WDR59: variants seen among roughly 807,000 people sequenced by gnomAD.
WDR59 encodes the protein WD repeat domain 59, also known as GATOR2 complex protein WDR59.
In WDR59, 100 loss-of-function variants were observed where a neutral mutation model predicts 131.2. The ratio of observed to expected loss-of-function variants is 0.76; its 90% confidence interval spans 0.65 to 0.90. The LOEUF is 0.90. WDR59 is among the 40% of genes least tolerant of loss of function. WDR59 has a pLI of 0.00. For synonymous variants in WDR59, 601 were observed against 466.2 expected, an observed-to-expected ratio of 1.29 and a Z score of -3.72; for missense variants, 1,203 against 1,262.2, an observed-to-expected ratio of 0.95 and a Z score of 0.71.
At chr16:74,903,667 A>C (rs1255054746) in intron 18 of WDR59, among the ~76,000 whole-genome samples, 1 of 152,160 alleles carries the variant, frequency 6.6e-6, no homozygotes, top group Non-Finnish European at 1.5e-5. Context: ...ATGGGAATCA[A>C]CTCAGGGAGT....
intron 7 of WDR59, among the ~76,000 whole-genome samples, chr16:74,941,102 T>C (rs1043115474): frequency 2.6e-5 from 4 of 151,750 alleles, no homozygotes; most frequent in Non-Finnish European, 2.9e-5. Context: ...CCCAGCACTT[T>C]GGGAGGCTGA....
chr16:74,933,089 G>T (rs969885250), intron 8 of WDR59, among the ~76,000 whole-genome samples: 29 of 152,086 alleles, frequency 1.9e-4, no homozygotes, highest in African/African-American at 6.8e-4. Flanking sequence ...TACACAAAAG[G>T]AATAAAATTA....
intron 8 of WDR59, 50 bp downstream of exon 8, chr16:74,938,100 T>A (rs2031946192): frequency 1.6e-6 from 2 of 1,289,220 alleles, no homozygotes; most frequent in Non-Finnish European, 1.1e-6. Context: ...CATACATCCC[T>A]GATGCCACCC....
At chr16:74,898,021 C>T (rs1965375208) in intron 18 of WDR59, among the ~76,000 whole-genome samples, 1 of 152,156 alleles carries the variant, frequency 6.6e-6, no homozygotes, top group Admixed American at 6.5e-5. Context: ...AGATGGACAT[C>T]TTTTCAGGGT....
chr16:74,984,894 AG>A, intron 1 of WDR59, 69 bp downstream of exon 1: 1 of 1,567,634 alleles, frequency 6.4e-7, no homozygotes. Flanking sequence ...CCGGGACGGA[AG>A]CAGCCGCGTG....
chr16:74,894,070 T>C (rs751787522), intron 18 of WDR59: 20 of 352,280 alleles, frequency 5.7e-5, no homozygotes, highest in Non-Finnish European at 8.7e-5. Context: ...GAAGCCAGGA[T>C]TAATACATTA....
At chr16:74,879,656 T>A (rs546814178) in intron 25 of WDR59, among the ~76,000 whole-genome samples, 1 of 152,130 alleles carries the variant, frequency 6.6e-6, no homozygotes, top group Non-Finnish European at 1.5e-5. Flanking sequence ...GTTATATACA[T>A]TGAAATGAAA....
At chr16:74,956,346 A>G in intron 3 of WDR59, 129 bp downstream of exon 3, 3 of 1,264,766 alleles carry the variant, frequency 2.4e-6, no homozygotes, top group Non-Finnish European at 3.1e-6. Flanking sequence ...TCTTTTTCTC[A>G]GAACCATCCA....
At chr16:74,901,053 G>A (rs562462328) in intron 18 of WDR59, among the ~76,000 whole-genome samples, 7 of 152,286 alleles carry the variant, frequency 4.6e-5, no homozygotes, top group East Asian at 1.9e-4. Context: ...AGCAGAGACC[G>A]CGCCTTTGCA....
At chr16:74,878,111 T>C (rs1964303948) in intron 25 of WDR59, among the ~76,000 whole-genome samples, 1 of 152,204 alleles carries the variant, frequency 6.6e-6, no homozygotes. Flanking sequence ...GGGAATGTCT[T>C]GTATTCTCTA....
intron 14 of WDR59, 52 bp from the exon 15 acceptor site, chr16:74,909,969 GTT>G (rs35006526): frequency 2.2e-3 from 2,036 of 933,622 alleles, no homozygotes; most frequent in Middle Eastern, 2.6e-3. Flanking sequence ...TCTCTGATAG[GTT>G]TTTTTTTTTT....
intron 13 of WDR59, among the ~76,000 whole-genome samples, chr16:74,913,160 T>C (rs1966189742): frequency 6.6e-6 from 1 of 152,174 alleles, no homozygotes; most frequent in African/African-American, 2.4e-5. Context: ...GGTGAGCTAC[T>C]TCTTGCAGGA....
intron 6 of WDR59, among the ~76,000 whole-genome samples, chr16:74,947,756 A>G (rs1389152261): frequency 6.6e-6 from 1 of 152,002 alleles, no homozygotes; most frequent in Non-Finnish European, 1.5e-5. Flanking sequence ...TGAAGAAATG[A>G]TAAGATATGT....
intron 14 of WDR59, 129 bp downstream of exon 14, chr16:74,912,069 C>A: frequency 7.9e-7 from 1 of 1,264,358 alleles, no homozygotes; most frequent in Non-Finnish European, 1.1e-6. Context: ...GGTTACGTTG[C>A]TAATACTAGT....
Position 74,903,999 on chromosome 16 carries a change from G to A in WDR59, c.1814C>T (p.Thr605Ile), listed in dbSNP as rs762307560. ...GNLRLYSGSP[T>I]RSEKEQVSIS... is the part of the protein sequence containing the mutation. Reference sequence around the variant, plus strand: ...GGAGACCTGCTCTTTCTCGCTGCGAGTGGGGCTCCCACTGTATAAACGAAG... The same window carrying A: ...GGAGACCTGCTCTTTCTCGCTGCGAATGGGGCTCCCACTGTATAAACGAAG... The change falls in exon 18 of 26, where the codon ACT (threonine) becomes ATT (isoleucine). Residue 605 changes from threonine (T) to isoleucine (I), a missense_variant. By Grantham distance (89) the Thr-to-Ile change is moderately conservative. Transcript: ENST00000262144. 1.9e-6 allele frequency: 3 copies of A among 1,611,732 alleles called. No homozygotes were observed. The highest frequency in any genetic ancestry group is 1.1e-5 in the South Asian group (1 of 90,504).
chr16:74,958,155 C>T (rs566736457), intron 2 of WDR59, among the ~76,000 whole-genome samples: 12 of 152,192 alleles, frequency 7.9e-5, no homozygotes, highest in South Asian at 2.1e-4. Flanking sequence ...AGGGTGAACA[C>T]GCCTGATGGA....
chr16:74,953,082 G>C (rs2033095004), intron 3 of WDR59, among the ~76,000 whole-genome samples: 1 of 152,122 alleles, frequency 6.6e-6, no homozygotes, highest in South Asian at 2.1e-4. Flanking sequence ...GATGAGGCAA[G>C]CAAGGCTCAG....
At chr16:74,886,723 C>G (rs72798612) in intron 23 of WDR59, among the ~76,000 whole-genome samples, 7,233 of 152,132 alleles carry the variant, frequency 0.048, 224 homozygotes, top group Non-Finnish European at 0.074. Context: ...GGTTTGAGAC[C>G]AGCCTGACGA....
intron 2 of WDR59, among the ~76,000 whole-genome samples, chr16:74,958,146 G>A (rs1272944056): frequency 1.3e-5 from 2 of 152,170 alleles, no homozygotes; most frequent in African/African-American, 4.8e-5. Flanking sequence ...GGGCACTTCA[G>A]GGTGAACACG....
Sources: gnomAD v4.1 joint callset for allele counts (sites outside exome capture counted in the v4.1 genomes callset) on GRCh38, gnomAD v4.1.1 for gene constraint, MANE v1.5 for transcripts, NCBI Gene and HGNC (gene_info 2026-07-23, HGNC 2026-07-21) for gene names.